DNAI1: variants seen among roughly 807,000 people sequenced by gnomAD.
DNAI1 encodes the protein dynein axonemal intermediate chain 1, also known as dynein, axonemal, intermediate polypeptide 1.
DNAI1 carries 67 observed loss-of-function variants against 92.0 expected under a neutral mutation model. The ratio of observed to expected loss-of-function variants is 0.73; its 90% CI spans 0.60 to 0.89. The LOEUF is 0.89. Ranked by LOEUF, DNAI1 falls within the 40% of genes least tolerant of loss-of-function variation. The pLI is 0.00. For synonymous variants in DNAI1, 323 were observed against 319.6 expected (o/e 1.01, Z -0.11); for missense variants, 839 against 866.6 (o/e 0.97, Z 0.40).
chr9:34,492,497 T>TAG (rs1564033883), intron 8 of DNAI1, among the ~76,000 whole-genome samples: 322 of 23,174 alleles, frequency 0.014, 16 homozygotes, highest in African/African-American at 0.085. Context: ...TATGAAGATA[T>TAG]ATATATATAT....
At chr9:34,473,262 G>A (rs1273709178) in intron 1 of DNAI1, among the ~76,000 whole-genome samples, 1 of 143,544 alleles carries the variant, frequency 7.0e-6, no homozygotes, top group Admixed American at 7.2e-5. Flanking sequence ...TTGTGGAATG[G>A]CTAAATCAAG....
At chr9:34,502,349 C>A (rs554725549) in intron 12 of DNAI1, among the ~76,000 whole-genome samples, 1 of 152,210 alleles carries the variant, frequency 6.6e-6, no homozygotes, top group Non-Finnish European at 1.5e-5. Context: ...ATTCCTCCCC[C>A]TCTGCTGCAG....
Position 34,491,444 on chromosome 9 carries a change from T to G in DNAI1, c.622-51T>G, listed in dbSNP as rs777428818. 4 of 1,595,910 alleles carry G rather than the reference T, an allele frequency of 2.5e-6. No homozygotes were observed. In the South Asian group the frequency reaches 3.3e-5, roughly 13 times the overall value. On this transcript the variant is annotated intron_variant, in intron 7 of 19. Coordinates refer to ENST00000242317, the MANE Select transcript of DNAI1 (RefSeq NM_012144.4). ...CTCAAAGATATACTGTTGGATTAAG[T>G]GAGAAGGAGTTGAGGGCTTTTTGTG...
chr9:34,518,643 T>G (rs1825214305), intron 19 of DNAI1, among the ~76,000 whole-genome samples: 1 of 152,196 alleles, frequency 6.6e-6, no homozygotes, highest in Admixed American at 6.5e-5. Context: ...TAAAATGTGT[T>G]CTTAATTTTC....
intron 1 of DNAI1, among the ~76,000 whole-genome samples, chr9:34,470,400 A>G (rs1824115471): frequency 6.6e-6 from 1 of 152,236 alleles, no homozygotes; most frequent in South Asian, 2.1e-4. Flanking sequence ...AGAATGTTTG[A>G]AAATAAAAGA....
rs369540171 is a variant in DNAI1, at chr9:34,485,486, C to T, written c.230C>T (p.Ala77Val). 51 of 1,614,048 alleles carry T rather than the reference C, an allele frequency of 3.2e-5. No homozygotes were observed. Among genetic ancestry groups the T allele is most frequent in the African/African-American group, 5.3e-5 (4 of 74,900 alleles). ...TRILTANNPH[A>V]PQNIVRYSFK... ...ATTTTGACAGCCAACAACCCACACG[C>T]ACCCCAGAACATTGTCAGGTACAGC... Residue 77 changes from alanine (A) to valine (V), a missense_variant, in exon 4 of 20, where the codon GCA becomes GTA. By Grantham distance (64) the Ala-to-Val change is moderately conservative (BLOSUM62 0). Transcript: ENST00000242317.
chr9:34,509,909 AAAAAAAG>A (rs2132079318), intron 13 of DNAI1, among the ~76,000 whole-genome samples: 1 of 152,004 alleles, frequency 6.6e-6, no homozygotes, highest in East Asian at 1.9e-4. Context: ...CAAAAAAAAA[AAAAAAAG>A]AAAAAAAAGA....
intron 1 of DNAI1, among the ~76,000 whole-genome samples, chr9:34,470,389 T>C (rs771146385): frequency 1.7e-4 from 26 of 152,008 alleles, no homozygotes; most frequent in Admixed American, 6.6e-4. Flanking sequence ...TGTAAAAACA[T>C]AGAATGTTTG....
chr9:34,468,052 G>A (rs1447763004), intron 1 of DNAI1, among the ~76,000 whole-genome samples: 2 of 152,138 alleles, frequency 1.3e-5, no homozygotes, highest in African/African-American at 4.8e-5. Context: ...CACGGATGGA[G>A]AATCTAAGCA....
At position 34,466,830 on chromosome 9, in the gene DNAI1, C is replaced by T. The variant is rs185715065; in HGVS notation, c.48+7777C>T. ...CAACTGGCCAGATTTCCATGGTCTC[C>T]GCTCCCTCATAATTTTAGTCTGTTT... On this transcript the variant is annotated intron_variant, in intron 1 of 19. Coordinates refer to ENST00000242317, the MANE Select transcript of DNAI1 (RefSeq NM_012144.4). 3.3e-5 allele frequency among the ~76,000 whole-genome samples: 5 copies of T among 152,240 alleles called. No homozygotes were observed. In the East Asian group the frequency reaches 7.7e-4, roughly 24 times the overall value.
intron 1 of DNAI1, among the ~76,000 whole-genome samples, chr9:34,471,565 C>T (rs1429014485): frequency 1.3e-5 from 2 of 151,956 alleles, no homozygotes; most frequent in Non-Finnish European, 2.9e-5. Flanking sequence ...GTCAGGAGTT[C>T]GAGATCAGCC....
chr9:34,466,605 A>T (rs1824042961), intron 1 of DNAI1, among the ~76,000 whole-genome samples: 1 of 152,216 alleles, frequency 6.6e-6, no homozygotes, highest in South Asian at 2.1e-4. Context: ...AAGTTACCTC[A>T]GATAAAAGAG....
intron 8 of DNAI1, among the ~76,000 whole-genome samples, chr9:34,492,909 TG>T (rs1824638193): frequency 6.6e-6 from 1 of 152,210 alleles, no homozygotes; most frequent in African/African-American, 2.4e-5. Context: ...TTCTGCCTGC[TG>T]GGGGCTGCAT....
intron 1 of DNAI1, chr9:34,478,800 A>T (rs193003560): frequency 8.5e-5 from 13 of 152,384 alleles, no homozygotes; most frequent in African/African-American, 3.1e-4. Context: ...TCAATAGCAT[A>T]AGAACGCCAA....
chr9:34,458,997 G>T lies in DNAI1; in HGVS notation c.-9G>T. The stretch of plus-strand genomic sequence containing the variant: ...GAGGGAGCGTTTTGTAGGCTCTCCA[G>T]GGGTTGAGATGATTCCTGCTTCTGC... On this transcript the variant is annotated 5_prime_UTR_variant, in exon 1 of 20. It adds an upstream start codon to the 5' untranslated region. Transcript: ENST00000242317. This position sits in a 1 kb window ranked among gnomAD's most constrained non-coding sequence, Gnocchi z 6.6. 6.2e-7 allele frequency: 1 copy of T among 1,614,084 alleles called. No homozygotes were observed. Among genetic ancestry groups the T allele is most frequent in the Non-Finnish European group, 8.5e-7 (1 of 1,179,918 alleles).
chr9:34,474,813 C>T (rs1165258960), intron 1 of DNAI1, among the ~76,000 whole-genome samples: 2 of 151,832 alleles, frequency 1.3e-5, no homozygotes, highest in African/African-American at 2.4e-5. Flanking sequence ...GTGATCTGCC[C>T]GCCTCGGCCT....
intron 1 of DNAI1, among the ~76,000 whole-genome samples, chr9:34,461,015 G>C (rs1259565799): frequency 2.6e-5 from 4 of 152,050 alleles, no homozygotes; most frequent in African/African-American, 9.7e-5. Flanking sequence ...TAATTTTTTT[G>C]TATTTTTGGT....
intron 13 of DNAI1, among the ~76,000 whole-genome samples, chr9:34,508,310 C>A (rs1397910133): frequency 6.6e-6 from 1 of 152,328 alleles, no homozygotes; most frequent in East Asian, 1.9e-4. Flanking sequence ...CCATGGTGCC[C>A]TCTCAGCTTT....
intron 10 of DNAI1, among the ~76,000 whole-genome samples, chr9:34,499,293 G>GT (rs1824780939): frequency 1.3e-5 from 2 of 152,350 alleles, no homozygotes; most frequent in South Asian, 4.1e-4. Flanking sequence ...CAACCTCAAG[G>GT]TATGGGCACT....
Sources: gnomAD v4.1 joint callset for allele counts (sites outside exome capture counted in the v4.1 genomes callset) on GRCh38, gnomAD v4.1.1 for gene constraint, Gnocchi (gnomAD v3.1) non-coding constraint, MANE v1.5 for transcripts, NCBI Gene and HGNC (gene_info 2026-07-23, HGNC 2026-07-21) for gene names.